Variants in PRKACB observed in about 807,000 individuals in gnomAD.
The protein encoded by PRKACB is cAMP-dependent protein kinase catalytic subunit beta.
PRKACB carries 16 observed loss-of-function variants against 51.4 expected under a neutral mutation model. The ratio of observed to expected loss-of-function variants is 0.31; its 90% confidence interval spans 0.21 to 0.47. PRKACB has a LOEUF of 0.47. Ranked by LOEUF, PRKACB falls within the 20% of genes least tolerant of loss-of-function variation. PRKACB has a pLI of 1.00. For synonymous variants in PRKACB, 147 were observed against 154.4 expected, an observed-to-expected ratio of 0.95 and a Z score of 0.35; for missense variants, 309 against 464.5, an observed-to-expected ratio of 0.67 and a Z score of 3.08.
chr1:84,111,073 G>A (rs549804581), intron 1 of PRKACB, among the ~76,000 whole-genome samples: 1 of 151,728 alleles, frequency 6.6e-6, no homozygotes, highest in Non-Finnish European at 1.5e-5. Flanking sequence ...TTCCCTAGTC[G>A]ATCTTCCAAA....
chr1:84,105,934 G>A (rs1447900998), intron 1 of PRKACB, among the ~76,000 whole-genome samples: 1 of 151,752 alleles, frequency 6.6e-6, no homozygotes, highest in African/African-American at 2.4e-5. Flanking sequence ...AAACAATCAA[G>A]GATTCAACCA....
Position 84,105,639 on chromosome 1 carries a change from G to A in PRKACB, c.46+27268G>A, listed in dbSNP as rs140753877. Among the ~76,000 whole-genome samples the A allele has an allele frequency of 1.0e-3, 158 of 151,852 alleles. 1 individual carries two copies. Among genetic ancestry groups the A allele is most frequent in the African/African-American group, 3.7e-3 (152 of 41,366 alleles). ...CACCCAGGCTGGAGTGCAGTGGTACGATCACAGCTCACTGCAACCTCCACC... is the reference window on the plus strand; with the variant it reads ...CACCCAGGCTGGAGTGCAGTGGTACAATCACAGCTCACTGCAACCTCCACC... On this transcript the variant is annotated intron_variant, in intron 1 of 8. Transcript: ENST00000370688.
intron 5 of PRKACB, among the ~76,000 whole-genome samples, chr1:84,193,027 A>G (rs1038552290): frequency 3.9e-5 from 6 of 152,136 alleles, no homozygotes; most frequent in Admixed American, 3.3e-4. Flanking sequence ...TGAAGGGGAA[A>G]GTCTCCTCAT....
intron 9 of PRKACB, among the ~76,000 whole-genome samples, chr1:84,223,411 C>G (rs1263967961): frequency 6.8e-6 from 1 of 147,986 alleles, no homozygotes; most frequent in Non-Finnish European, 1.5e-5. Context: ...CTCTGTCGCC[C>G]AGGCAAGAGT....
chr1:84,128,548 G>T (rs1233828907), intron 1 of PRKACB, among the ~76,000 whole-genome samples: 1 of 152,102 alleles, frequency 6.6e-6, no homozygotes, highest in African/African-American at 2.4e-5. Context: ...GAAAAAATAT[G>T]ATATTGAAGT....
intron 1 of PRKACB, among the ~76,000 whole-genome samples, chr1:84,103,625 G>A (rs1649516452): frequency 6.6e-6 from 1 of 152,164 alleles, no homozygotes; most frequent in Admixed American, 6.6e-5. Flanking sequence ...GAGCCACCCA[G>A]CTTAGACCCC....
Position 84,235,575 on chromosome 1 carries a change from T to TAA in PRKACB, c.*270_*271insAA, listed in dbSNP as rs1676593191. ...TGTCTTTCTCCTCTCCTATATCCAT[T>TAA]TCTTCCTTTTCCAATTTCATTGGTT... On this transcript the variant is annotated 3_prime_UTR_variant, in exon 10 of 10. Coordinates refer to ENST00000370685, the MANE Select transcript of PRKACB (RefSeq NM_182948.4). The TAA allele has an allele frequency of 3.2e-6, 1 of 313,684 alleles. No homozygotes were observed. The highest frequency in any genetic ancestry group is 2.2e-5 in the African/African-American group (1 of 46,122). The allele number at this position is 313,684 out of a possible 1,614,324, so 19.4% of individuals were successfully genotyped here. A position where few individuals can be genotyped will look rare whatever the true frequency, so the allele number is the denominator to read the frequency against.
intron 1 of PRKACB, among the ~76,000 whole-genome samples, chr1:84,136,169 A>G (rs887662276): frequency 6.6e-6 from 1 of 151,964 alleles, no homozygotes; most frequent in Non-Finnish European, 1.5e-5. Flanking sequence ...CCTACAAACT[A>G]TCAAAACTTA....
intron 1 of PRKACB, among the ~76,000 whole-genome samples, chr1:84,176,666 G>T (rs1403007081): frequency 2.0e-5 from 3 of 151,526 alleles, no homozygotes; most frequent in African/African-American, 7.3e-5. Context: ...CATACTTAGT[G>T]CCCATCCTTT....
chr1:84,226,103 T>C (rs1353614456), intron 9 of PRKACB, among the ~76,000 whole-genome samples: 1 of 152,162 alleles, frequency 6.6e-6, no homozygotes, highest in East Asian at 1.9e-4. Context: ...ATTAGATGGG[T>C]CCAGTTTCTT....
intron 1 of PRKACB, among the ~76,000 whole-genome samples, chr1:84,100,790 A>T (rs954263998): frequency 6.6e-6 from 1 of 152,144 alleles, no homozygotes; most frequent in Non-Finnish European, 1.5e-5. Flanking sequence ...CAACTCATTT[A>T]ATCTTTACAA....
At chr1:84,117,680 T>C (rs1216307459) in intron 1 of PRKACB, among the ~76,000 whole-genome samples, 3 of 152,314 alleles carry the variant, frequency 2.0e-5, no homozygotes, top group Middle Eastern at 6.8e-3. Flanking sequence ...TATTTGCATC[T>C]TCGCTTTTCT....
chr1:84,152,039 A>G (rs1654914329), intron 1 of PRKACB, among the ~76,000 whole-genome samples: 2 of 152,192 alleles, frequency 1.3e-5, no homozygotes, highest in Admixed American at 6.5e-5. Flanking sequence ...TATAAAATAT[A>G]TTTCTTAAAT....
In PRKACB at chr1:84,137,243, C is replaced by T. The variant is rs551567036; in HGVS notation, c.47-41934C>T. Among the ~76,000 whole-genome samples the T allele has an allele frequency of 3.2e-4, 49 of 151,798 alleles. 2 individuals carry two copies. The highest frequency in any genetic ancestry group is 3.0e-3 in the Admixed American group (45 of 15,238). On this transcript the variant is annotated intron_variant, in intron 1 of 8. Coordinates refer to the PRKACB transcript ENST00000370688. ...GAATTATATAAAAGAGCTATAAAGC[C>T]GTAAAAAGACATGGATAAATTTTAA...
At chr1:84,233,120 G>A (rs954581860) in intron 9 of PRKACB, among the ~76,000 whole-genome samples, 4 of 151,774 alleles carry the variant, frequency 2.6e-5, no homozygotes, top group Non-Finnish European at 4.4e-5. Flanking sequence ...TGGTGACAAA[G>A]TCTCTCAACA....
chr1:84,206,978 T>C (rs1671432334), intron 8 of PRKACB, among the ~76,000 whole-genome samples: 1 of 152,220 alleles, frequency 6.6e-6, no homozygotes, highest in Non-Finnish European at 1.5e-5. Flanking sequence ...AAGATACTAT[T>C]GTTAATGCTT....
intron 1 of PRKACB, 72 bp from the exon 2 acceptor site, chr1:84,179,105 C>CAATATAAATATTCTTATACAG (rs771683747): frequency 3.9e-5 from 56 of 1,424,038 alleles, no homozygotes; most frequent in East Asian, 3.6e-4. Context: ...AAACCATATG[C>CAATATAAATATTCTTATACAG]AATATAAATA....
chr1:84,202,842 G>C, intron 8 of PRKACB, 37 bp downstream of exon 8: 1 of 1,500,424 alleles, frequency 6.7e-7, no homozygotes, highest in Non-Finnish European at 9.1e-7. Context: ...TCTTATTACT[G>C]TATATGAATT....
intron 8 of PRKACB, among the ~76,000 whole-genome samples, chr1:84,210,990 C>G (rs902557038): frequency 2.1e-4 from 32 of 152,126 alleles, no homozygotes; most frequent in African/African-American, 7.5e-4. Flanking sequence ...ACATGAACCA[C>G]TATGAGAGTG....
Sources: gnomAD v4.1 joint callset for allele counts (sites outside exome capture counted in the v4.1 genomes callset) on GRCh38, gnomAD v4.1.1 for gene constraint, MANE v1.5 for transcripts, NCBI Gene and HGNC (gene_info 2026-07-23, HGNC 2026-07-21) for gene names.